Variants in ZNF536 observed in about 807,000 individuals in gnomAD.
ZNF536 encodes zinc finger protein 536.
A neutral mutation model predicts 84.5 loss-of-function variants in ZNF536; 13 were observed. The observed-to-expected ratio is 0.15, with a 90% CI of 0.10 to 0.24. The LOEUF is 0.24. ZNF536 is among the 10% of genes least tolerant of loss of function. The pLI is 1.00. For missense variants in ZNF536, 1,536 were observed against 1,747.5 expected, an observed-to-expected ratio of 0.88 and a Z score of 2.16; for synonymous variants, 811 against 742.5, an observed-to-expected ratio of 1.09 and a Z score of -1.50.
intron 1 of ZNF536, among the ~76,000 whole-genome samples, chr19:30,593,821 C>A (rs1340555885): frequency 6.6e-6 from 1 of 152,218 alleles, no homozygotes; most frequent in African/African-American, 2.4e-5. Flanking sequence ...TGGGGTCTGC[C>A]AGCCTGGCTG....
intron 2 of ZNF536, among the ~76,000 whole-genome samples, chr19:30,483,129 C>T (rs2054155704): frequency 6.6e-6 from 1 of 152,178 alleles, no homozygotes; most frequent in Non-Finnish European, 1.5e-5. Context: ...GCCCAGTGCC[C>T]ACCTCATTGG....
At chr19:30,334,788 A>G (rs1051531284) in intron 2 of ZNF536, among the ~76,000 whole-genome samples, 1 of 152,266 alleles carries the variant, frequency 6.6e-6, no homozygotes, top group South Asian at 2.1e-4. Flanking sequence ...CAATTTTTTC[A>G]TGGATGGAGT....
intron 3 of ZNF536, among the ~76,000 whole-genome samples, chr19:30,359,401 C>T (rs1296174512): frequency 6.6e-6 from 1 of 152,198 alleles, no homozygotes; most frequent in Non-Finnish European, 1.5e-5. Flanking sequence ...TGGCCCCACG[C>T]TTCTCCTGGC....
At chr19:30,389,244 G>T (rs1429284965) in intron 1 of ZNF536, among the ~76,000 whole-genome samples, 1 of 152,182 alleles carries the variant, frequency 6.6e-6, no homozygotes, top group Non-Finnish European at 1.5e-5. Flanking sequence ...CTCAAAGGGG[G>T]TATGCGGAAG....
intron 1 of ZNF536, among the ~76,000 whole-genome samples, chr19:30,423,416 A>G (rs1390981902): frequency 6.6e-6 from 1 of 152,232 alleles, no homozygotes; most frequent in Non-Finnish European, 1.5e-5. Flanking sequence ...CAGTAATAAT[A>G]GAAGGAGACA....
chr19:30,429,906 T>G (rs1182294476), intron 1 of ZNF536, among the ~76,000 whole-genome samples: 4 of 152,194 alleles, frequency 2.6e-5, no homozygotes, highest in Admixed American at 6.5e-5. Context: ...TTGTAGGTAC[T>G]TGTCACCTGC....
At chr19:30,403,372 A>G (rs1372105678) in intron 1 of ZNF536, among the ~76,000 whole-genome samples, 2 of 152,222 alleles carry the variant, frequency 1.3e-5, no homozygotes, top group Non-Finnish European at 1.5e-5. Flanking sequence ...AAAAATGCTG[A>G]AAGGAGGAAA....
At chr19:30,536,613 G>T (rs904799207) in intron 3 of ZNF536, among the ~76,000 whole-genome samples, 33 of 152,158 alleles carry the variant, frequency 2.2e-4, no homozygotes, top group African/African-American at 7.5e-4. Context: ...AATGACAGAA[G>T]AAATGCTCAA....
chr19:30,625,484 G>C (rs957381512), intron 1 of ZNF536, among the ~76,000 whole-genome samples: 1 of 152,196 alleles, frequency 6.6e-6, no homozygotes, highest in African/African-American at 2.4e-5. Flanking sequence ...CTCCGTGTTA[G>C]GAATTATACC....
At chr19:30,293,904 G>A (rs1568310506) in intron 2 of ZNF536, among the ~76,000 whole-genome samples, 1 of 152,176 alleles carries the variant, frequency 6.6e-6, no homozygotes, top group Non-Finnish European at 1.5e-5. Flanking sequence ...AGAAGTATGT[G>A]ATAACCTATG....
chr19:30,244,607 C>A (rs1448437061), intron 1 of ZNF536, among the ~76,000 whole-genome samples: 1 of 152,246 alleles, frequency 6.6e-6, no homozygotes, highest in Non-Finnish European at 1.5e-5. Context: ...CTGCCTGCTG[C>A]ACTGCCTCAC....
chr19:30,457,777 G>A (rs928215697), intron 2 of ZNF536, among the ~76,000 whole-genome samples: 1 of 152,180 alleles, frequency 6.6e-6, no homozygotes, highest in Admixed American at 6.5e-5. Flanking sequence ...GGGAAGGAGG[G>A]CTCACATTTT....
intron 2 of ZNF536, among the ~76,000 whole-genome samples, chr19:30,310,139 C>T (rs934539946): frequency 1.3e-5 from 2 of 152,104 alleles, no homozygotes; most frequent in Non-Finnish European, 1.5e-5. Context: ...GCTGGTCTTT[C>T]CGTGGGTATT....
At chr19:30,520,221 G>A (rs192494959) in intron 2 of ZNF536, among the ~76,000 whole-genome samples, 1 of 152,282 alleles carries the variant, frequency 6.6e-6, no homozygotes, top group Admixed American at 6.5e-5. Context: ...AGATCTCATT[G>A]CAGTCCCAAG....
chr19:30,408,013 A>G (rs950887785), intron 1 of ZNF536, among the ~76,000 whole-genome samples: 1 of 152,200 alleles, frequency 6.6e-6, no homozygotes, highest in African/African-American at 2.4e-5. Flanking sequence ...GATGGGCACT[A>G]TGAGTACCTG....
At chr19:30,522,272 T>TATATATATATATATATACACAC in intron 2 of ZNF536, among the ~76,000 whole-genome samples, 1 of 137,502 alleles carries the variant, frequency 7.3e-6, no homozygotes, top group East Asian at 2.0e-4. Context: ...CATATATATA[T>TATATATATATATATATACACAC]ACATATATAT....
At chr19:30,421,191 G>T (rs902940937) in intron 1 of ZNF536, among the ~76,000 whole-genome samples, 1 of 152,182 alleles carries the variant, frequency 6.6e-6, no homozygotes, top group East Asian at 1.9e-4. Context: ...GGGAGAAGTC[G>T]GTAGATTTTA....
intron 1 of ZNF536, among the ~76,000 whole-genome samples, chr19:30,622,461 T>TG (rs1449680676): frequency 1.3e-5 from 2 of 152,214 alleles, no homozygotes; most frequent in Non-Finnish European, 2.9e-5. Flanking sequence ...TGCCCACCGG[T>TG]GGGTCAGAAG....
chr19:30,415,290 T>C (rs1272964862), intron 1 of ZNF536, among the ~76,000 whole-genome samples: 1 of 137,844 alleles, frequency 7.3e-6, no homozygotes, highest in African/African-American at 2.8e-5. Context: ...TCCTCCTTCT[T>C]CTTCTTCTTC....
Sources: gnomAD v4.1 joint callset for allele counts (sites outside exome capture counted in the v4.1 genomes callset) on GRCh38, gnomAD v4.1.1 for gene constraint, MANE v1.5 for transcripts, NCBI Gene and HGNC (gene_info 2026-07-23, HGNC 2026-07-21) for gene names.